Variants in PRKN observed in about 807,000 individuals in gnomAD.
The protein encoded by PRKN is parkin RBR E3 ubiquitin protein ligase, also known as E3 ubiquitin-protein ligase parkin.
A neutral mutation model predicts 59.5 loss-of-function variants in PRKN; 56 were observed. The ratio of observed to expected loss-of-function variants is 0.94; its 90% CI spans 0.76 to 1.18. PRKN has a LOEUF of 1.18. PRKN is among the 50% of genes most tolerant of loss of function. The pLI is 0.00. For missense variants in PRKN, 657 were observed against 596.4 expected (o/e 1.10, Z -1.06); for synonymous variants, 250 against 222.1 (o/e 1.13, Z -1.12).
chr6:161,559,264 C>T (rs190284762), intron 8 of PRKN, among the ~76,000 whole-genome samples: 28 of 152,238 alleles, frequency 1.8e-4, no homozygotes, highest in Non-Finnish European at 2.5e-4. Context: ...CACGGAGCAG[C>T]ACCCACTTCC....
chr6:161,812,735 C>A (rs1320157624), intron 6 of PRKN, among the ~76,000 whole-genome samples: 1 of 152,072 alleles, frequency 6.6e-6, no homozygotes, highest in African/African-American at 2.4e-5. Flanking sequence ...CTGACAATAC[C>A]AAGTGTTGGC....
chr6:162,509,786 A>G (rs1269176902), intron 1 of PRKN, among the ~76,000 whole-genome samples: 1 of 152,206 alleles, frequency 6.6e-6, no homozygotes, highest in Non-Finnish European at 1.5e-5. Context: ...TTTAATAAAA[A>G]TGGTGTAAAT....
At position 161,352,894 on chromosome 6, in the gene PRKN, C is replaced by A. The variant is rs768938719; in HGVS notation, c.1286-2683G>T. Among the ~76,000 whole-genome samples, 15 of 151,892 alleles carry A rather than the reference C, an allele frequency of 9.9e-5. No individual in the cohort carries two copies. Among genetic ancestry groups the A allele is most frequent in the Non-Finnish European group, 1.5e-4 (10 of 68,004 alleles). ...TCCCGGGTTCAAGCAATTCTCCTGCCTCAGCCTCTCGAGTAGTTGGAATTA... is the reference window on the plus strand; with the variant it reads ...TCCCGGGTTCAAGCAATTCTCCTGCATCAGCCTCTCGAGTAGTTGGAATTA... On this transcript the variant is annotated intron_variant, in intron 11 of 11. Coordinates refer to ENST00000366898, the MANE Select transcript of PRKN (RefSeq NM_004562.3). The surrounding 1 kb of genome is among the most constrained non-coding windows in gnomAD (Gnocchi z 5.8).
intron 1 of PRKN, among the ~76,000 whole-genome samples, chr6:162,673,656 G>A (rs990887723): frequency 2.0e-5 from 3 of 152,146 alleles, no homozygotes; most frequent in Admixed American, 6.5e-5. Context: ...AAAGTGCTGG[G>A]ATTACAGGCG....
chr6:161,732,571 G>C (rs759890072), intron 7 of PRKN, among the ~76,000 whole-genome samples: 1 of 151,760 alleles, frequency 6.6e-6, no homozygotes, highest in Non-Finnish European at 1.5e-5. Flanking sequence ...CATTCAAGAT[G>C]CATACAGTGT....
intron 6 of PRKN, among the ~76,000 whole-genome samples, chr6:161,825,501 C>T (rs1437081854): frequency 6.6e-6 from 1 of 152,138 alleles, no homozygotes; most frequent in Admixed American, 6.5e-5. Flanking sequence ...TGTCCCTTTC[C>T]AGGAAGTGTC....
chr6:161,705,641 G>T (rs940034708), intron 7 of PRKN, among the ~76,000 whole-genome samples: 5 of 152,086 alleles, frequency 3.3e-5, no homozygotes, highest in Non-Finnish European at 5.9e-5. Flanking sequence ...TGTAAAATGG[G>T]AATAAAAGTA....
chr6:162,445,444 T>A (rs1014324776), intron 1 of PRKN, among the ~76,000 whole-genome samples: 1 of 152,022 alleles, frequency 6.6e-6, no homozygotes, highest in African/African-American at 2.4e-5. Context: ...CCTAACACTT[T>A]GGGAGGCCAA....
At chr6:162,040,101 C>A (rs115434229) in intron 5 of PRKN, among the ~76,000 whole-genome samples, 5 of 152,080 alleles carry the variant, frequency 3.3e-5, no homozygotes, top group Non-Finnish European at 7.4e-5. Context: ...TTCTCAAACA[C>A]GATGGTTGTC....
intron 1 of PRKN, among the ~76,000 whole-genome samples, chr6:162,619,247 A>G (rs1782556988): frequency 6.7e-6 from 1 of 150,138 alleles, no homozygotes; most frequent in Non-Finnish European, 1.5e-5. Context: ...GGTTCAAGCG[A>G]TTCTCCTGCC....
chr6:161,618,764 G>A (rs1282783755), intron 7 of PRKN, among the ~76,000 whole-genome samples: 1 of 152,160 alleles, frequency 6.6e-6, no homozygotes, highest in African/African-American at 2.4e-5. Flanking sequence ...TTATGCAAAT[G>A]TATAAATCTA....
chr6:161,805,344 C>A (rs1472512440), intron 6 of PRKN, among the ~76,000 whole-genome samples: 1 of 152,188 alleles, frequency 6.6e-6, no homozygotes, highest in East Asian at 1.9e-4. Flanking sequence ...CCTCACAGAC[C>A]TTATACCCTC....
At chr6:161,873,473 G>A (rs1794428024) in intron 6 of PRKN, among the ~76,000 whole-genome samples, 1 of 151,552 alleles carries the variant, frequency 6.6e-6, no homozygotes, top group East Asian at 1.9e-4. Context: ...AATACAATGC[G>A]TATCGGACTC....
At position 161,569,409 on chromosome 6, in the gene PRKN, A is replaced by G; in HGVS notation, c.879T>C (p.Cys293=). The G allele has an allele frequency of 6.2e-7, 1 of 1,613,728 alleles. No homozygotes were observed. The highest frequency in any genetic ancestry group is 8.5e-7 in the Non-Finnish European group (1 of 1,179,654). The part of the protein sequence containing the change: ...LGYSLPCVAG[C]PNSLIKELHH... ...GGAGCTCTTTAATCAAGGAGTTGGG[A>G]CAGCCAGCTGTTGGAAAGAAGAATT... The change falls in exon 8 of 12, where the codon TGT becomes TGC. Residue 293 remains cysteine (C), a synonymous_variant. Transcript: ENST00000366898.
At chr6:162,019,214 A>G (rs1783040757) in intron 5 of PRKN, among the ~76,000 whole-genome samples, 2 of 152,222 alleles carry the variant, frequency 1.3e-5, no homozygotes, top group African/African-American at 2.4e-5. Flanking sequence ...TGACTTAAGC[A>G]TTAAGTGCCA....
chr6:161,427,106 C>T (rs1788402221), intron 9 of PRKN, among the ~76,000 whole-genome samples: 2 of 151,972 alleles, frequency 1.3e-5, no homozygotes, highest in South Asian at 4.2e-4. Flanking sequence ...GCAGCCTCCA[C>T]CTCTCCAGTT....
Position 162,641,020 on chromosome 6 carries a change from C to T in PRKN, c.7+86642G>A, listed in dbSNP as rs910949985. Among the ~76,000 whole-genome samples the T allele has an allele frequency of 2.0e-5, 3 of 152,066 alleles. No individual in the cohort carries two copies. The South Asian group carries it at 6.3e-4, about 32-fold the overall frequency. On this transcript the variant is annotated intron_variant, in intron 1 of 11. Coordinates refer to ENST00000366898, the MANE Select transcript of PRKN (RefSeq NM_004562.3). ...GGACATAACTATTTCATAAGGGTTT[C>T]CCCTGAGAGAGAAGACATATGATGG...
intron 1 of PRKN, among the ~76,000 whole-genome samples, chr6:162,494,475 G>A (rs1012982923): frequency 3.3e-5 from 5 of 152,128 alleles, no homozygotes; most frequent in African/African-American, 1.2e-4. Context: ...CTTCTCCAGA[G>A]CCTGCCATGT....
At chr6:162,176,502 T>C (rs1783543749) in intron 4 of PRKN, among the ~76,000 whole-genome samples, 1 of 152,150 alleles carries the variant, frequency 6.6e-6, no homozygotes, top group Non-Finnish European at 1.5e-5. Flanking sequence ...TAAATGGTAA[T>C]GTCACAGAAG....
Sources: allele counts gnomAD v4.1 joint callset (sites outside exome capture counted in the v4.1 genomes callset), GRCh38; gene constraint gnomAD v4.1.1; non-coding constraint Gnocchi (gnomAD v3.1); transcripts MANE v1.5; gene names NCBI Gene and HGNC (gene_info 2026-07-23, HGNC 2026-07-21).